The following COL4A1 variants were observed in gnomAD, a reference collection of about 807,000 sequenced individuals.
The protein encoded by COL4A1 is collagen type IV alpha 1 chain, also known as collagen alpha-1(IV) chain.
In COL4A1, 40 loss-of-function variants were observed where a neutral mutation model predicts 216.6. The observed-to-expected ratio is 0.18, with a 90% CI of 0.14 to 0.24. The LOEUF is 0.24. Among genes scored for constraint, COL4A1 ranks in the 10% least tolerant of loss-of-function variants. The pLI, the probability that COL4A1 is intolerant of heterozygous loss-of-function variation, is 1.00. For missense variants in COL4A1, 1,628 were observed against 2,196.8 expected (o/e 0.74, Z 5.18); for synonymous variants, 839 against 810.7 (o/e 1.03, Z -0.59).
Position 110,200,734 on chromosome 13 carries a change from C to T in COL4A1, c.1120+120G>A, listed in dbSNP as rs78100269. 8,248 of 1,090,896 alleles carry T rather than the reference C, an allele frequency of 7.6e-3. 231 individuals are homozygous for T. The highest frequency in any genetic ancestry group is 0.072 in the African/African-American group (4,634 of 64,420). The allele number at this position is 1,090,896 out of a possible 1,614,324, so 67.6% of individuals were successfully genotyped here. A position where few individuals can be genotyped will look rare whatever the true frequency, so the allele number is the denominator to read the frequency against. On this transcript the variant is annotated intron_variant, in intron 20 of 51. Coordinates refer to ENST00000375820, the MANE Select transcript of COL4A1 (RefSeq NM_001845.6). ...CTGCTTTCATCACTAGAAAAGATGT[C>T]GTAAGATTGCTACCGATTGTGTGCA...
Position 110,152,525 on chromosome 13 carries a change from C to T in COL4A1, c.4756-19G>A. On this transcript the variant is annotated intron_variant, in intron 50 of 51. Coordinates refer to ENST00000375820, the MANE Select transcript of COL4A1 (RefSeq NM_001845.6). ...TGGTGTGCTGCAGAACAGATGCGAG[C>T]CGTGAGTCAGAGGTTCCCTCCCCAA... 2 of 1,602,254 alleles carry T rather than the reference C, an allele frequency of 1.2e-6. No individual in the cohort carries two copies. The highest frequency in any genetic ancestry group is 1.7e-6 in the Non-Finnish European group (2 of 1,177,716).
chr13:110,267,595 G>A lies in COL4A1; in HGVS notation c.85-24861C>T, dbSNP rs1268127731. On this transcript the variant is annotated intron_variant, in intron 1 of 51. Coordinates refer to ENST00000375820, the MANE Select transcript of COL4A1 (RefSeq NM_001845.6). ...CCTTATCCAAGCACCCAAAACAGGGGCTGGGCTCTGTACTCTTCAGGTTTT... is the reference window on the plus strand; with the variant it reads ...CCTTATCCAAGCACCCAAAACAGGGACTGGGCTCTGTACTCTTCAGGTTTT... Among the ~76,000 whole-genome samples the A allele has an allele frequency of 2.6e-5, 4 of 152,150 alleles. No homozygotes were observed. The East Asian group carries it at 7.7e-4, about 29-fold the overall frequency.
At chr13:110,202,154 G>A (rs1879280311) in intron 18 of COL4A1, among the ~76,000 whole-genome samples, 1 of 151,568 alleles carries the variant, frequency 6.6e-6, no homozygotes, top group Non-Finnish European at 1.5e-5. Context: ...ATCAATTTGA[G>A]GCTTAGATTT....
At chr13:110,209,845 A>T (rs769820848) in intron 10 of COL4A1, 135 bp downstream of exon 10, 2 of 1,084,318 alleles carry the variant, frequency 1.8e-6, no homozygotes, top group South Asian at 2.5e-5. Context: ...AGTAAGAGGG[A>T]AGCTGATTCC....
intron 1 of COL4A1, among the ~76,000 whole-genome samples, chr13:110,269,933 G>C (rs1883185489): frequency 6.6e-6 from 1 of 152,106 alleles, no homozygotes; most frequent in Non-Finnish European, 1.5e-5. Context: ...TGCGAGACCA[G>C]AAACACATAC....
In COL4A1 at chr13:110,244,647, C is replaced by T. The variant is rs145545057; in HGVS notation, c.85-1913G>A. The stretch of plus-strand genomic sequence containing the variant: ...TGAGGGTCACCTGCTCCCTACCTGG[C>T]TCCTGCGAATTGCTGACTGCATGTC... On this transcript the variant is annotated intron_variant, in intron 1 of 51. Coordinates refer to ENST00000375820, the MANE Select transcript of COL4A1 (RefSeq NM_001845.6). 1.3e-3 allele frequency among the ~76,000 whole-genome samples: 199 copies of T among 152,262 alleles called. 1 individual carries two copies. Among genetic ancestry groups the T allele is most frequent in the African/African-American group, 4.5e-3 (187 of 41,530 alleles).
At chr13:110,265,243 C>T (rs968244736) in intron 1 of COL4A1, 3 of 152,234 alleles carry the variant, frequency 2.0e-5, no homozygotes, top group Non-Finnish European at 4.4e-5. Flanking sequence ...AAGAGGAAAG[C>T]GCCGACTGCA....
rs2139204951 is a variant in COL4A1, at chr13:110,211,993, A to G, written c.388-71T>C. 1.4e-6 allele frequency: 2 copies of G among 1,410,016 alleles called. No homozygotes were observed. 87.3% of individuals were successfully genotyped at this position (1,410,016 alleles called of 1,614,324 possible). ...ACACATCAGCCCTGACATCGCATGC[A>G]TCACTCTGCCCTACCCTTCATTTGT... On this transcript the variant is annotated intron_variant, in intron 6 of 51. Transcript: ENST00000375820. This position sits in a 1 kb window ranked among gnomAD's most constrained non-coding sequence, Gnocchi z 4.3.
At chr13:110,157,993 T>C (rs751746510) in intron 49 of COL4A1, among the ~76,000 whole-genome samples, 1 of 152,082 alleles carries the variant, frequency 6.6e-6, no homozygotes, top group African/African-American at 2.4e-5. Flanking sequence ...AGGAAACCTA[T>C]CAATGAATAG....
intron 1 of COL4A1, among the ~76,000 whole-genome samples, chr13:110,290,333 G>A (rs1487974162): frequency 1.3e-5 from 2 of 152,174 alleles, no homozygotes; most frequent in South Asian, 4.1e-4. Context: ...AACACAATCT[G>A]TGCAGCATTC....
chr13:110,165,785 C>T (rs984862661), intron 45 of COL4A1, among the ~76,000 whole-genome samples: 2 of 152,052 alleles, frequency 1.3e-5, no homozygotes, highest in African/African-American at 2.4e-5. Flanking sequence ...TTTTCGGCGA[C>T]TTTCATGCTG....
At chr13:110,224,254 G>T (rs181664077) in intron 2 of COL4A1, among the ~76,000 whole-genome samples, 1 of 152,238 alleles carries the variant, frequency 6.6e-6, no homozygotes, top group East Asian at 1.9e-4. Flanking sequence ...AAGAAAGACT[G>T]CAGGAACATA....
chr13:110,229,900 C>T (rs569682301), intron 2 of COL4A1, among the ~76,000 whole-genome samples: 27 of 152,326 alleles, frequency 1.8e-4, no homozygotes, highest in South Asian at 6.2e-4. Context: ...GCCCCACTTC[C>T]GACGTTCACC....
At position 110,170,672 on chromosome 13, in the gene COL4A1, T is replaced by C; in HGVS notation, c.3617A>G (p.Lys1206Arg). ...LAGSPGIPGS[K>R]GEQGFMGPPG... The stretch of plus-strand genomic sequence containing the variant: ...AGGACCCATGAATCCTTGCTCTCCT[T>C]TGGATCCAGGAATTCCTGGGCTCCC... Residue 1206 changes from lysine (K) to arginine (R), a missense_variant, in exon 42 of 52, where the codon AAA becomes AGA. Physicochemically the swap from Lys to Arg is conservative, Grantham distance 26 (BLOSUM62 2). This residue lies in a region of COL4A1 where 345 missense variants were observed against 476.9 expected (regional missense o/e 0.72). Coordinates refer to ENST00000375820, the MANE Select transcript of COL4A1 (RefSeq NM_001845.6). 6.2e-7 allele frequency: 1 copy of C among 1,614,164 alleles called. No homozygotes were observed. Among genetic ancestry groups the C allele is most frequent in the Admixed American group, 1.7e-5 (1 of 60,034 alleles).
At chr13:110,169,923 A>AG (rs1476576015) in intron 42 of COL4A1, among the ~76,000 whole-genome samples, 161 bp from the exon 43 acceptor site, 2 of 76,418 alleles carry the variant, frequency 2.6e-5, no homozygotes, top group African/African-American at 7.0e-5. Flanking sequence ...CCAGGAAGGA[A>AG]GGAAGGAGGG....
intron 41 of COL4A1, 45 bp from the exon 42 acceptor site, chr13:110,170,777 G>C (rs757900152): frequency 6.2e-7 from 1 of 1,603,498 alleles, no homozygotes; most frequent in South Asian, 1.1e-5. Flanking sequence ...CGCAGCAGCA[G>C]AACAGTAATC....
At position 110,169,810 on chromosome 13, in the gene COL4A1, G is replaced by A. The variant is rs748755468; in HGVS notation, c.3743-48C>T. 27 of 1,612,366 alleles carry A rather than the reference G, an allele frequency of 1.7e-5. No individual in the cohort carries two copies. In the South Asian group the frequency reaches 2.9e-4, roughly 17 times the overall value. ...CACATTTGGGGTTAAATATGCACAA[G>A]TGTCCCTGGGCTGTGGGGCTATCAA... On this transcript the variant is annotated intron_variant, in intron 42 of 51. Transcript: ENST00000375820.
chr13:110,258,259 C>T (rs1882664803), intron 1 of COL4A1, among the ~76,000 whole-genome samples: 1 of 152,220 alleles, frequency 6.6e-6, no homozygotes, highest in Admixed American at 6.5e-5. Flanking sequence ...AAAATTTAAG[C>T]CGGCGCAGTG....
intron 1 of COL4A1, among the ~76,000 whole-genome samples, chr13:110,295,238 C>T (rs1884224228): frequency 6.6e-6 from 1 of 150,544 alleles, no homozygotes; most frequent in Non-Finnish European, 1.5e-5. Context: ...GGCTCTCACA[C>T]TACATGGTTT....
Sources: allele counts gnomAD v4.1 joint callset (sites outside exome capture counted in the v4.1 genomes callset), GRCh38; gene constraint gnomAD v4.1.1; regional missense constraint gnomAD v4.1.1; non-coding constraint Gnocchi (gnomAD v3.1); transcripts MANE v1.5; gene names NCBI Gene and HGNC (gene_info 2026-07-23, HGNC 2026-07-21).